The following OSBPL9 variants were observed in gnomAD, a reference collection of about 807,000 sequenced individuals.
OSBPL9 encodes the protein oxysterol-binding protein-related protein 9.
OSBPL9 carries 40 observed loss-of-function variants against 106.6 expected under a neutral mutation model. The observed-to-expected ratio is 0.38, with a 90% CI of 0.29 to 0.49. The LOEUF (loss-of-function observed/expected upper bound fraction) is 0.49. Among genes scored for constraint, OSBPL9 ranks in the 20% least tolerant of loss-of-function variants. The pLI is 0.97. For missense variants in OSBPL9, 609 were observed against 887.2 expected, an observed-to-expected ratio of 0.69 and a Z score of 3.98; for synonymous variants, 269 against 295.4, an observed-to-expected ratio of 0.91 and a Z score of 0.92.
chr1:51,702,200 C>A (rs1571179691), intron 3 of OSBPL9, among the ~76,000 whole-genome samples: 1 of 152,298 alleles, frequency 6.6e-6, no homozygotes, highest in African/African-American at 2.4e-5. Flanking sequence ...ATTTCTAGTT[C>A]TAGATCCCTG....
chr1:51,771,107 A>T (rs1265708242), intron 12 of OSBPL9, among the ~76,000 whole-genome samples: 1 of 152,210 alleles, frequency 6.6e-6, no homozygotes, highest in Non-Finnish European at 1.5e-5. Flanking sequence ...CAGTTTTGCC[A>T]TGAACCTAAA....
intron 2 of OSBPL9, among the ~76,000 whole-genome samples, chr1:51,605,186 A>G (rs1333650341): frequency 2.0e-5 from 3 of 152,250 alleles, no homozygotes; most frequent in African/African-American, 2.4e-5. Flanking sequence ...AGCGTTTACA[A>G]TCTAATGAAC....
chr1:51,781,028 G>A (rs1676257622), intron 15 of OSBPL9, 136 bp from the exon 16 acceptor site: 1 of 650,182 alleles, frequency 1.5e-6, no homozygotes, highest in Non-Finnish European at 2.6e-6. Flanking sequence ...ATTTTAAAAT[G>A]AAACTGTAAG....
intron 3 of OSBPL9, among the ~76,000 whole-genome samples, chr1:51,674,234 A>AT (rs905541594): frequency 6.1e-5 from 9 of 147,794 alleles, no homozygotes; most frequent in South Asian, 2.1e-4. Flanking sequence ...TGGCTGACTA[A>AT]TTTTTTTTTT....
At chr1:51,627,183 A>G (rs1459449438) in intron 1 of OSBPL9, among the ~76,000 whole-genome samples, 1 of 151,944 alleles carries the variant, frequency 6.6e-6, no homozygotes, top group African/African-American at 2.4e-5. Context: ...TTTTATTTGT[A>G]GAGGATGGGG....
At chr1:51,718,235 G>A (rs986730446) in intron 4 of OSBPL9, among the ~76,000 whole-genome samples, 3 of 152,104 alleles carry the variant, frequency 2.0e-5, no homozygotes, top group African/African-American at 4.8e-5. Flanking sequence ...AGTGTAGGGG[G>A]AGTGGGGATG....
intron 3 of OSBPL9, among the ~76,000 whole-genome samples, chr1:51,704,504 G>A (rs1482024466): frequency 6.6e-6 from 1 of 152,216 alleles, no homozygotes; most frequent in Non-Finnish European, 1.5e-5. Context: ...GTTACTTCAT[G>A]TTTTAGTTAG....
intron 3 of OSBPL9, among the ~76,000 whole-genome samples, chr1:51,711,375 G>A (rs557050373): frequency 4.7e-5 from 7 of 149,060 alleles, no homozygotes; most frequent in East Asian, 2.0e-4. Context: ...GCGGCTGGCC[G>A]GGCAGAGGGG....
chr1:51,716,534 A>G (rs1265688144), intron 4 of OSBPL9, among the ~76,000 whole-genome samples: 2 of 152,190 alleles, frequency 1.3e-5, no homozygotes, highest in African/African-American at 4.8e-5. Flanking sequence ...TATAGTAAAA[A>G]CTTGGTAAAT....
At chr1:51,553,176 C>T in the OSBPL9 span, among the ~76,000 whole-genome samples, 1 of 151,900 alleles carries the variant, frequency 6.6e-6, no homozygotes, top group Admixed American at 6.6e-5. Context: ...TCTAGGAGGC[C>T]GGGGAAGCTG....
chr1:51,669,650 A>T, intron 3 of OSBPL9, 138 bp downstream of exon 3: 11 of 664,744 alleles, frequency 1.7e-5, no homozygotes, highest in East Asian at 3.5e-5. Context: ...TTCTGGATGA[A>T]GTGGTACTGC....
chr1:51,535,926 A>G, the OSBPL9 span, among the ~76,000 whole-genome samples: 1 of 152,322 alleles, frequency 6.6e-6, no homozygotes, highest in East Asian at 1.9e-4. Context: ...GAAGAGCTGC[A>G]GAAATATTAC....
chr1:51,549,005 C>T, the OSBPL9 span, among the ~76,000 whole-genome samples: 1 of 152,210 alleles, frequency 6.6e-6, no homozygotes, highest in Non-Finnish European at 1.5e-5. Context: ...GCCTCAGCCC[C>T]TGAAGCTTAG....
chr1:51,605,551 G>C (rs1450283717), intron 2 of OSBPL9, among the ~76,000 whole-genome samples: 1 of 152,204 alleles, frequency 6.6e-6, no homozygotes, highest in African/African-American at 2.4e-5. Flanking sequence ...AGAGAAGACA[G>C]AAATAGCAGA....
the OSBPL9 span, among the ~76,000 whole-genome samples, chr1:51,554,566 C>T: frequency 6.6e-6 from 1 of 152,086 alleles, no homozygotes; most frequent in Non-Finnish European, 1.5e-5. Flanking sequence ...AGTGGGATAG[C>T]GTTTGGAAAG....
intron 1 of OSBPL9, among the ~76,000 whole-genome samples, chr1:51,596,536 G>A (rs960545270): frequency 2.8e-5 from 4 of 141,840 alleles, no homozygotes; most frequent in African/African-American, 1.1e-4. Context: ...TCCAGCCTAG[G>A]CGAGAAGAGT....
chr1:51,618,516 G>A (rs1198435050), intron 1 of OSBPL9, among the ~76,000 whole-genome samples: 1 of 152,052 alleles, frequency 6.6e-6, no homozygotes, highest in Non-Finnish European at 1.5e-5. Flanking sequence ...ATAGAAGACA[G>A]AAAGAAAAAC....
At chr1:51,584,339 C>G (rs1645236192) in intron 1 of OSBPL9, among the ~76,000 whole-genome samples, 1 of 152,138 alleles carries the variant, frequency 6.6e-6, no homozygotes, top group Non-Finnish European at 1.5e-5. Flanking sequence ...ACAAACTCAC[C>G]ATGTGACTTT....
rs1478189660 is a variant in OSBPL9, at chr1:51,617,133, C to T, written c.23C>T (p.Pro8Leu). Residue 8 changes from proline to leucine, a missense_variant, in exon 1 of 24, where the codon CCG becomes CTG. By Grantham distance (98) the Pro-to-Leu change is moderately conservative. This residue lies in a region of OSBPL9 where 30 missense variants were observed against 21.8 expected (regional missense o/e 1.37). Coordinates refer to ENST00000428468, the MANE Select transcript of OSBPL9 (RefSeq NM_024586.6). Reference protein sequence around the residue: MASIMEGPLSKWTNVMKG... With the variant: MASIMEGLLSKWTNVMKG... Reference sequence around the variant, plus strand: ...AAGATGGCGTCCATCATGGAAGGGCCGCTGAGCAAATGGACTAACGTGATG... The same window carrying T: ...AAGATGGCGTCCATCATGGAAGGGCTGCTGAGCAAATGGACTAACGTGATG... The T allele has an allele frequency of 5.0e-6, 8 of 1,612,860 alleles. No homozygotes were observed. The highest frequency in any genetic ancestry group is 6.8e-6 in the Non-Finnish European group (8 of 1,179,630).
Sources: gnomAD v4.1 joint callset for allele counts (sites outside exome capture counted in the v4.1 genomes callset) on GRCh38, gnomAD v4.1.1 for gene constraint, gnomAD v4.1.1 regional missense constraint, MANE v1.5 for transcripts, NCBI Gene and HGNC (gene_info 2026-07-23, HGNC 2026-07-21) for gene names.